The following PDE4D variants were observed in gnomAD, a reference collection of about 807,000 sequenced individuals.
PDE4D encodes phosphodiesterase 4D.
A neutral mutation model predicts 87.4 loss-of-function variants in PDE4D; 24 were observed. That is an observed-to-expected ratio of 0.27 (90% CI 0.20 to 0.39). The LOEUF (loss-of-function observed/expected upper bound fraction) is 0.39, where lower values mean the gene tolerates loss of function less well. Ranked by LOEUF, PDE4D falls within the 10% of genes least tolerant of loss-of-function variation. The pLI is 1.00. For synonymous variants in PDE4D, 384 were observed against 383.2 expected, an observed-to-expected ratio of 1.00 and a Z score of -0.02; for missense variants, 714 against 1,041.0, an observed-to-expected ratio of 0.69 and a Z score of 4.32.
At position 60,068,096 on chromosome 5, in the gene PDE4D, T is replaced by C. The variant is rs74804893; in HGVS notation, c.43-79379A>G. Among the ~76,000 whole-genome samples the C allele has an allele frequency of 7.1e-3, 1,076 of 152,342 alleles. 22 individuals are homozygous for C. The highest frequency in any genetic ancestry group is 0.045 in the East Asian group (234 of 5,184). On this transcript the variant is annotated intron_variant, in intron 2 of 16. Coordinates refer to the PDE4D transcript ENST00000502484. ...TTTGAATAAACACCCCAAAGTGGGA[T>C]TGCTGGATCATGTAATTGCATTTTT...
At chr5:59,800,360 T>G (rs1766978524) in intron 1 of PDE4D, among the ~76,000 whole-genome samples, 1 of 152,086 alleles carries the variant, frequency 6.6e-6, no homozygotes, top group African/African-American at 2.4e-5. Flanking sequence ...GATGTTTAAT[T>G]TTCCCTTAGT....
At chr5:60,154,871 G>A (rs1487337634) in intron 2 of PDE4D, among the ~76,000 whole-genome samples, 2 of 152,160 alleles carry the variant, frequency 1.3e-5, no homozygotes, top group Non-Finnish European at 2.9e-5. Context: ...TATGTTGAGA[G>A]ATTAATTAAT....
intron 3 of PDE4D, among the ~76,000 whole-genome samples, chr5:59,936,625 C>T (rs1756611277): frequency 6.6e-6 from 1 of 152,176 alleles, no homozygotes; most frequent in Non-Finnish European, 1.5e-5. Context: ...AGGTCTGCCA[C>T]TCCATAGCTG....
chr5:59,728,062 T>C (rs941905330), intron 1 of PDE4D, among the ~76,000 whole-genome samples: 2 of 152,130 alleles, frequency 1.3e-5, no homozygotes, highest in Admixed American at 1.3e-4. Context: ...TATCATACAG[T>C]AGCACCCAGT....
intron 1 of PDE4D, among the ~76,000 whole-genome samples, chr5:59,653,857 G>C (rs2150250355): frequency 7.3e-6 from 1 of 137,830 alleles, no homozygotes; most frequent in African/African-American, 2.6e-5. Context: ...AAGGGGGAAA[G>C]AAGAAGAAGG....
intron 1 of PDE4D, among the ~76,000 whole-genome samples, chr5:59,451,933 AAT>A (rs1799224927): frequency 6.6e-6 from 1 of 152,220 alleles, no homozygotes. Flanking sequence ...TAGTTTCTAA[AAT>A]ATGCCTCATT....
intron 1 of PDE4D, among the ~76,000 whole-genome samples, chr5:59,428,444 AG>A (rs1795635654): frequency 6.6e-6 from 1 of 151,950 alleles, no homozygotes; most frequent in African/African-American, 2.4e-5. Context: ...GATTTTTTTA[AG>A]TAATTAGAAA....
intron 2 of PDE4D, among the ~76,000 whole-genome samples, chr5:60,009,978 G>A (rs1489627864): frequency 6.6e-6 from 1 of 151,886 alleles, no homozygotes; most frequent in African/African-American, 2.4e-5. Flanking sequence ...TGTACATTGT[G>A]GCCTCTATTT....
At chr5:59,130,153 T>C (rs2153450520) in intron 5 of PDE4D, among the ~76,000 whole-genome samples, 1 of 152,324 alleles carries the variant, frequency 6.6e-6, no homozygotes, top group South Asian at 2.1e-4. Flanking sequence ...GCCAAATATA[T>C]GATCATTGGC....
At chr5:59,344,786 G>T (rs985983903) in intron 1 of PDE4D, among the ~76,000 whole-genome samples, 2 of 152,092 alleles carry the variant, frequency 1.3e-5, no homozygotes, top group Non-Finnish European at 2.9e-5. Context: ...CTTAGAATAC[G>T]TTTGATATTG....
chr5:60,080,952 T>C (rs1773860191), intron 2 of PDE4D, among the ~76,000 whole-genome samples: 1 of 152,248 alleles, frequency 6.6e-6, no homozygotes. Flanking sequence ...TCAGAAGGAA[T>C]GGTACCAGTT....
intron 2 of PDE4D, among the ~76,000 whole-genome samples, chr5:60,119,581 T>G (rs901835647): frequency 6.6e-6 from 1 of 152,230 alleles, no homozygotes; most frequent in Non-Finnish European, 1.5e-5. Context: ...GATAAGTTAC[T>G]TAATCCCTTG....
At chr5:60,105,550 C>G (rs182304721) in intron 2 of PDE4D, among the ~76,000 whole-genome samples, 1 of 151,984 alleles carries the variant, frequency 6.6e-6, no homozygotes, top group Non-Finnish European at 1.5e-5. Context: ...ACCTCCAAGA[C>G]GCATAATTGT....
Position 59,247,037 on chromosome 5 carries a change from C to T in PDE4D, c.456-31069G>A, listed in dbSNP as rs76048662. Among the ~76,000 whole-genome samples the T allele has an allele frequency of 9.4e-3, 1,435 of 152,232 alleles. 27 individuals carry two copies. The highest frequency in any genetic ancestry group is 0.034 in the African/African-American group (1,393 of 41,542). ...CATTCTGTCTGTAAACTACCTACAC[C>T]CACACACATATACATTCATGCACCA... On this transcript the variant is annotated intron_variant, in intron 1 of 14. Coordinates refer to ENST00000340635, the MANE Select transcript of PDE4D (RefSeq NM_001104631.2).
At position 59,891,991 on chromosome 5, in the gene PDE4D, C is replaced by T. The variant is rs533294575; in HGVS notation, c.455+1177G>A. Among the ~76,000 whole-genome samples the T allele has an allele frequency of 3.7e-3, 558 of 152,280 alleles. 2 individuals are homozygous for T. The highest frequency in any genetic ancestry group is 5.5e-3 in the Non-Finnish European group (377 of 68,022). ...GGAGGTGCAGTACATCGATGCCTGT[C>T]CACATCTAAGGTTAGATGACGACCC... On this transcript the variant is annotated intron_variant, in intron 1 of 14. Coordinates refer to ENST00000340635, the MANE Select transcript of PDE4D (RefSeq NM_001104631.2).
At chr5:59,328,386 T>TTATATA (rs1409190084) in intron 1 of PDE4D, among the ~76,000 whole-genome samples, 11 of 152,202 alleles carry the variant, frequency 7.2e-5, no homozygotes, top group Admixed American at 1.3e-4. Context: ...TAAGTATAGC[T>TTATATA]GTTATATGGG....
intron 1 of PDE4D, among the ~76,000 whole-genome samples, chr5:59,638,105 A>G (rs1162812973): frequency 6.6e-6 from 1 of 152,202 alleles, no homozygotes; most frequent in Non-Finnish European, 1.5e-5. Context: ...CTGAGTGTAG[A>G]GAGAGGATGG....
intron 5 of PDE4D, among the ~76,000 whole-genome samples, chr5:59,081,607 A>G (rs986584890): frequency 2.0e-5 from 3 of 151,446 alleles, no homozygotes; most frequent in Admixed American, 6.6e-5. Context: ...ACCTTTGTCC[A>G]TATGGTTATA....
At chr5:59,058,410 T>C (rs935565202) in intron 5 of PDE4D, among the ~76,000 whole-genome samples, 3 of 152,176 alleles carry the variant, frequency 2.0e-5, no homozygotes, top group Non-Finnish European at 4.4e-5. Flanking sequence ...CTATAATGAC[T>C]ATCACATTGA....
Sources: allele counts gnomAD v4.1 joint callset (sites outside exome capture counted in the v4.1 genomes callset), GRCh38; gene constraint gnomAD v4.1.1; transcripts MANE v1.5; gene names NCBI Gene and HGNC (gene_info 2026-07-23, HGNC 2026-07-21).